The following ITSN1 variants were observed in gnomAD, a reference collection of about 807,000 sequenced individuals.
The protein encoded by ITSN1 is intersectin 1.
A neutral mutation model predicts 239.8 loss-of-function variants in ITSN1; 58 were observed. The ratio of observed to expected loss-of-function variants is 0.24; its 90% CI spans 0.20 to 0.30. ITSN1 has a LOEUF of 0.30. Among genes scored for constraint, ITSN1 ranks in the 10% least tolerant of loss-of-function variants. The pLI, the probability that ITSN1 is intolerant of heterozygous loss-of-function variation, is 1.00. For synonymous variants in ITSN1, 780 were observed against 770.8 expected, an observed-to-expected ratio of 1.01 and a Z score of -0.20; for missense variants, 1,558 against 2,103.3, an observed-to-expected ratio of 0.74 and a Z score of 5.07.
chr21:33,886,582 G>T, intron 39 of ITSN1, 122 bp downstream of exon 39: 1 of 871,840 alleles, frequency 1.1e-6, no homozygotes, highest in Non-Finnish European at 1.7e-6. Context: ...GAGAGATGAG[G>T]CTGGCTGGCA....
At chr21:33,724,492 A>G (rs979978644) in intron 4 of ITSN1, among the ~76,000 whole-genome samples, 1 of 152,232 alleles carries the variant, frequency 6.6e-6, no homozygotes, top group African/African-American at 2.4e-5. Context: ...CAGCTCATAC[A>G]TGATCATGTC....
In ITSN1 at chr21:33,782,103, G is replaced by C. The variant is rs2070239210; in HGVS notation, c.1794G>C (p.Gln598His). ...EVEKETRSKL[Q>H]EIDIFNNQLK... Reference sequence around the variant, plus strand: ...AGAAAGAAACTAGATCAAAACTACAGGAGATTGATATTTTCAATAATCAGC... The same window carrying C: ...AGAAAGAAACTAGATCAAAACTACACGAGATTGATATTTTCAATAATCAGC... Residue 598 changes from glutamine (Q) to histidine (H), a missense_variant, in exon 16 of 40, where the codon CAG becomes CAC. Gln to His is a conservative substitution (Grantham distance 24). Around this residue, in one of 2 missense-constraint regions of ITSN1, gnomAD observed 982 missense variants for 1,209.9 expected, o/e 0.81. Transcript: ENST00000381318. 1.9e-6 allele frequency: 3 copies of C among 1,613,782 alleles called. No homozygotes were observed. The highest frequency in any genetic ancestry group is 2.5e-6 in the Non-Finnish European group (3 of 1,179,806).
At chr21:33,707,570 A>G (rs556893188) in intron 1 of ITSN1, among the ~76,000 whole-genome samples, 1 of 152,332 alleles carries the variant, frequency 6.6e-6, no homozygotes, top group African/African-American at 2.4e-5. Context: ...TCCCATCTTC[A>G]GGAAACCACT....
At chr21:33,708,336 G>A (rs1032664122) in intron 1 of ITSN1, among the ~76,000 whole-genome samples, 40 of 151,998 alleles carry the variant, frequency 2.6e-4, no homozygotes, top group Admixed American at 9.2e-4. Context: ...ATCTTTTGAA[G>A]AACTGTTTTT....
At chr21:33,826,887 A>G (rs2074003028) in intron 26 of ITSN1, 24 bp downstream of exon 26, 1 of 1,597,406 alleles carries the variant, frequency 6.3e-7, no homozygotes, top group East Asian at 2.2e-5. Context: ...CCTGATGCTT[A>G]CTTTTCAATG....
rs1404881302 is a variant in ITSN1, at chr21:33,892,874, A to C, written c.*4574A>C. On this transcript the variant is annotated 3_prime_UTR_variant, in exon 40 of 40. Transcript: ENST00000381318. Reference sequence around the variant, plus strand: ...GCTGCACTCATGAGGTGATATCGTAAAGCAGCAGAAAGACTGAGGGTGCAA... The same window carrying C: ...GCTGCACTCATGAGGTGATATCGTACAGCAGCAGAAAGACTGAGGGTGCAA... 1 of 152,144 alleles carries C rather than the reference A, an allele frequency of 6.6e-6. No homozygotes were observed. The highest frequency in any genetic ancestry group is 2.4e-5 in the African/African-American group (1 of 41,412). 9.4% of individuals were successfully genotyped at this position (152,144 alleles called of 1,614,324 possible).
At chr21:33,662,266 A>G (rs1230320899) in intron 1 of ITSN1, among the ~76,000 whole-genome samples, 1 of 152,120 alleles carries the variant, frequency 6.6e-6, no homozygotes, top group Non-Finnish European at 1.5e-5. Flanking sequence ...GCTATGAGTC[A>G]TTTTCCCTTT....
intron 16 of ITSN1, among the ~76,000 whole-genome samples, chr21:33,782,766 C>T (rs1415917838): frequency 1.3e-5 from 2 of 152,178 alleles, no homozygotes; most frequent in Non-Finnish European, 2.9e-5. Context: ...TGGCTCATGC[C>T]TGTAATCCCA....
chr21:33,781,940 T>C, intron 15 of ITSN1, 54 bp from the exon 16 acceptor site: 1 of 1,489,066 alleles, frequency 6.7e-7, no homozygotes, highest in Non-Finnish European at 9.1e-7. Flanking sequence ...AAAAAACATT[T>C]TCCTCACTGC....
At chr21:33,644,946 A>G (rs1275646152) in intron 1 of ITSN1, among the ~76,000 whole-genome samples, 1 of 151,640 alleles carries the variant, frequency 6.6e-6, no homozygotes, top group Admixed American at 6.6e-5. Context: ...CCCAGCTTCC[A>G]GAGTATCTGG....
chr21:33,847,551 C>T (rs1264892223), intron 29 of ITSN1, among the ~76,000 whole-genome samples: 1 of 152,196 alleles, frequency 6.6e-6, no homozygotes, highest in African/African-American at 2.4e-5. Flanking sequence ...AAGATGAGGG[C>T]GTTGAGCAGA....
rs377643560 is a variant in ITSN1, at chr21:33,813,945, C to T, written c.2600C>T (p.Thr867Met). 59 of 1,613,510 alleles carry T rather than the reference C, an allele frequency of 3.7e-5. No homozygotes were observed. The East Asian group carries it at 8.7e-4, about 24-fold the overall frequency. The change falls in exon 22 of 40, where the codon ACG becomes ATG. Residue 867 changes from threonine to methionine, a missense_variant. Thr to Met is a moderately conservative substitution (Grantham distance 81). Transcript: ENST00000381318. ...ACCAGCACGAATGAGAAACCAGAAACGGATAACTGGGATGCATGGGCAGCC... is the reference window on the plus strand; with the variant it reads ...ACCAGCACGAATGAGAAACCAGAAATGGATAACTGGGATGCATGGGCAGCC... ...WPTSTNEKPE[T>M]DNWDAWAAQP...
At chr21:33,786,109 G>C (rs1311969346) in intron 16 of ITSN1, among the ~76,000 whole-genome samples, 3 of 152,164 alleles carry the variant, frequency 2.0e-5, no homozygotes, top group African/African-American at 7.2e-5. Flanking sequence ...TGCTATGCAT[G>C]ATAAATTTTA....
intron 1 of ITSN1, among the ~76,000 whole-genome samples, chr21:33,673,274 G>T (rs907513920): frequency 2.0e-5 from 3 of 152,188 alleles, no homozygotes; most frequent in Non-Finnish European, 4.4e-5. Context: ...GGAGATGTAG[G>T]TCAAAGTTGC....
chr21:33,646,013 CAATT>C (rs2087909335), intron 1 of ITSN1, among the ~76,000 whole-genome samples: 2 of 152,146 alleles, frequency 1.3e-5, no homozygotes, highest in African/African-American at 4.8e-5. Context: ...TGGAGGAACT[CAATT>C]AAACATTTGT....
At chr21:33,875,614 T>G in intron 34 of ITSN1, 93 bp downstream of exon 34, 3 of 1,178,156 alleles carry the variant, frequency 2.5e-6, no homozygotes, top group Non-Finnish European at 3.5e-6. Flanking sequence ...ACCATTCTCC[T>G]CCCCAGCCGA....
At chr21:33,872,309 C>T (rs1982881561) in intron 33 of ITSN1, among the ~76,000 whole-genome samples, 1 of 152,118 alleles carries the variant, frequency 6.6e-6, no homozygotes, top group South Asian at 2.1e-4. Flanking sequence ...TTGGAAGCAA[C>T]ATAAAGTTTT....
At chr21:33,789,106 C>T (rs543350787) in intron 16 of ITSN1, among the ~76,000 whole-genome samples, 1 of 152,244 alleles carries the variant, frequency 6.6e-6, no homozygotes, top group Middle Eastern at 3.4e-3. Flanking sequence ...TGTTAACTGG[C>T]CTTCTTTAAT....
At chr21:33,690,070 G>T (rs1279877891) in intron 1 of ITSN1, among the ~76,000 whole-genome samples, 4 of 151,174 alleles carry the variant, frequency 2.6e-5, no homozygotes, top group Non-Finnish European at 5.9e-5. Context: ...AATCACTTGA[G>T]GTCAGGAGTT....
Sources: allele counts gnomAD v4.1 joint callset (sites outside exome capture counted in the v4.1 genomes callset), GRCh38; gene constraint gnomAD v4.1.1; regional missense constraint gnomAD v4.1.1; transcripts MANE v1.5; gene names NCBI Gene and HGNC (gene_info 2026-07-23, HGNC 2026-07-21).